ADAMTS12: variants seen among roughly 807,000 people sequenced by gnomAD.
ADAMTS12 encodes the protein ADAM metallopeptidase with thrombospondin type 1 motif 12, also known as A disintegrin and metalloproteinase with thrombospondin motifs 12.
In ADAMTS12, 118 loss-of-function variants were observed where a neutral mutation model predicts 167.8. The observed-to-expected ratio is 0.70, with a 90% CI of 0.61 to 0.82. The LOEUF is 0.82. Ranked by LOEUF, ADAMTS12 falls within the 40% of genes least tolerant of loss-of-function variation. ADAMTS12 has a pLI of 0.00. For missense variants in ADAMTS12, 1,916 were observed against 1,998.8 expected, an observed-to-expected ratio of 0.96 and a Z score of 0.79; for synonymous variants, 704 against 716.9, an observed-to-expected ratio of 0.98 and a Z score of 0.29.
chr5:33,538,396 A>T (rs1744517914), intron 22 of ADAMTS12, among the ~76,000 whole-genome samples: 1 of 152,178 alleles, frequency 6.6e-6, no homozygotes, highest in African/African-American at 2.4e-5. Context: ...TGAGAATTAC[A>T]ATCCAAGATG....
intron 2 of ADAMTS12, among the ~76,000 whole-genome samples, chr5:33,875,809 A>G (rs1017554759): frequency 2.0e-5 from 3 of 152,210 alleles, no homozygotes; most frequent in African/African-American, 7.2e-5. Context: ...TTCTAGCCAA[A>G]GTAATAAAGC....
At position 33,855,440 on chromosome 5, in the gene ADAMTS12, A is replaced by G. The variant is rs116691576; in HGVS notation, c.489+25679T>C. Among the ~76,000 whole-genome samples, 225 of 152,384 alleles carry G rather than the reference A, an allele frequency of 1.5e-3. 2 individuals carry two copies. The highest frequency in any genetic ancestry group is 5.2e-3 in the African/African-American group (216 of 41,594). Reference sequence around the variant, plus strand: ...ATTCCTTGCTGGTTAGAAGCTGGAAAGCTATTCCAAAGCTCCATGGTGTCC... The same window carrying G: ...ATTCCTTGCTGGTTAGAAGCTGGAAGGCTATTCCAAAGCTCCATGGTGTCC... On this transcript the variant is annotated intron_variant, in intron 2 of 23. Coordinates refer to ENST00000504830, the MANE Select transcript of ADAMTS12 (RefSeq NM_030955.4).
rs537399119 is a variant in ADAMTS12 at position 33,550,914 on chromosome 5, A to T, written c.4126-1531T>A. On this transcript the variant is annotated intron_variant, in intron 20 of 23. Coordinates refer to ENST00000504830, the MANE Select transcript of ADAMTS12 (RefSeq NM_030955.4). ...GAATTATGAGAAAATGCCAGCTGGG[A>T]GGGCTCCCAGTGGGCTAAAGAGATC... 3.3e-5 allele frequency among the ~76,000 whole-genome samples: 5 copies of T among 152,124 alleles called. No individual in the cohort carries two copies. The East Asian group carries it at 9.7e-4, about 29-fold the overall frequency.
At chr5:33,560,756 AC>A (rs1395458062) in intron 20 of ADAMTS12, among the ~76,000 whole-genome samples, 2 of 112,280 alleles carry the variant, frequency 1.8e-5, no homozygotes. Flanking sequence ...AACATCACAC[AC>A]CGGGGCCTGT....
intron 22 of ADAMTS12, among the ~76,000 whole-genome samples, chr5:33,542,183 T>G (rs1482468394): frequency 6.7e-6 from 1 of 150,228 alleles, no homozygotes; most frequent in Non-Finnish European, 1.5e-5. Flanking sequence ...AAGCAGGGGT[T>G]GCAATCCTAG....
intron 3 of ADAMTS12, among the ~76,000 whole-genome samples, chr5:33,738,964 T>C (rs867621165): frequency 1.3e-5 from 2 of 152,252 alleles, no homozygotes; most frequent in African/African-American, 4.8e-5. Flanking sequence ...GCTGGTGGGG[T>C]TGACATTGAC....
chr5:33,731,668 T>C (rs753434830), intron 3 of ADAMTS12, among the ~76,000 whole-genome samples: 1 of 152,140 alleles, frequency 6.6e-6, no homozygotes, highest in Non-Finnish European at 1.5e-5. Context: ...ACTATGCTGA[T>C]AGGATCTAGA....
intron 3 of ADAMTS12, among the ~76,000 whole-genome samples, chr5:33,705,756 C>G (rs1743177112): frequency 6.6e-6 from 1 of 152,084 alleles, no homozygotes; most frequent in African/African-American, 2.4e-5. Flanking sequence ...TTGCAGTGAG[C>G]TGAGGTCACA....
At chr5:33,634,153 CT>C (rs1740083638) in intron 12 of ADAMTS12, among the ~76,000 whole-genome samples, 1 of 152,052 alleles carries the variant, frequency 6.6e-6, no homozygotes, top group Admixed American at 6.6e-5. Flanking sequence ...GAAAATATTT[CT>C]TAGGTAAGGA....
In ADAMTS12 at chr5:33,524,707, G is replaced by A. The variant is rs2111699318; in HGVS notation, c.*2481C>T. On this transcript the variant is annotated 3_prime_UTR_variant, in exon 24 of 24. Transcript: ENST00000504830. ...GCCAAGGCAACAGATGATACCAACA[G>A]GACAGAAAACAGCAAGCCCTGTCTT... is the stretch of plus-strand genomic sequence containing the variant. 6.6e-6 allele frequency: 1 copy of A among 152,288 alleles called. No homozygotes were observed. Among genetic ancestry groups the A allele is most frequent in the South Asian group, 2.1e-4 (1 of 4,824 alleles). 9.4% of individuals were successfully genotyped at this position (152,288 alleles called of 1,614,324 possible). A position where few individuals can be genotyped will look rare whatever the true frequency, so the allele number is the denominator to read the frequency against.
intron 2 of ADAMTS12, among the ~76,000 whole-genome samples, chr5:33,820,623 A>G (rs1197485973): frequency 1.5e-5 from 2 of 137,388 alleles, no homozygotes; most frequent in African/African-American, 5.4e-5. Flanking sequence ...ACTAAACTAT[A>G]TATTGCTATA....
At chr5:33,580,228 T>C (rs1430384251) in intron 18 of ADAMTS12, among the ~76,000 whole-genome samples, 1 of 152,202 alleles carries the variant, frequency 6.6e-6, no homozygotes, top group Non-Finnish European at 1.5e-5. Context: ...GGGAAATTTA[T>C]GAAGGAAAGC....
intron 14 of ADAMTS12, among the ~76,000 whole-genome samples, chr5:33,616,460 C>T (rs1739020525): frequency 6.6e-6 from 1 of 152,208 alleles, no homozygotes; most frequent in Non-Finnish European, 1.5e-5. Flanking sequence ...TTACATTAGA[C>T]TTCCTGAACA....
intron 2 of ADAMTS12, among the ~76,000 whole-genome samples, chr5:33,818,359 T>C (rs1747745527): frequency 6.6e-6 from 1 of 152,172 alleles, no homozygotes; most frequent in Admixed American, 6.5e-5. Flanking sequence ...AGTGACATCA[T>C]GCAATTATTT....
chr5:33,679,664 T>C (rs967554005), intron 5 of ADAMTS12, among the ~76,000 whole-genome samples: 1 of 152,202 alleles, frequency 6.6e-6, no homozygotes, highest in Non-Finnish European at 1.5e-5. Context: ...AGTACTTCTA[T>C]ACTCATGCCA....
At chr5:33,728,287 G>A (rs375125051) in intron 3 of ADAMTS12, among the ~76,000 whole-genome samples, 71 of 152,304 alleles carry the variant, frequency 4.7e-4, no homozygotes, top group African/African-American at 1.6e-3. Flanking sequence ...TACGAGAGAA[G>A]TGGAAAGGGG....
At chr5:33,888,989 T>C (rs929452561) in intron 1 of ADAMTS12, among the ~76,000 whole-genome samples, 2 of 152,204 alleles carry the variant, frequency 1.3e-5, no homozygotes, top group African/African-American at 2.4e-5. Flanking sequence ...AGCCCAACTC[T>C]TAGAACTAGA....
Position 33,551,347 on chromosome 5 carries a change from T to G in ADAMTS12, c.4126-1964A>C, listed in dbSNP as rs745333904. Among the ~76,000 whole-genome samples, 6 of 152,282 alleles carry G rather than the reference T, an allele frequency of 3.9e-5. No homozygotes were observed. The South Asian group carries it at 8.3e-4, about 21-fold the overall frequency. ...TTCCATAAATCAAGTGTGTTTAGAT[T>G]ATCAGAAATAAGCAATACTTGCCAA... On this transcript the variant is annotated intron_variant, in intron 20 of 23. Transcript: ENST00000504830.
At chr5:33,704,067 A>C (rs1743099670) in intron 3 of ADAMTS12, among the ~76,000 whole-genome samples, 2 of 152,322 alleles carry the variant, frequency 1.3e-5, no homozygotes, top group East Asian at 3.9e-4. Context: ...TTATAAAGCC[A>C]AACTTCTTTA....
Sources: gnomAD v4.1 joint callset for allele counts (sites outside exome capture counted in the v4.1 genomes callset) on GRCh38, gnomAD v4.1.1 for gene constraint, MANE v1.5 for transcripts, NCBI Gene and HGNC (gene_info 2026-07-23, HGNC 2026-07-21) for gene names.